The following DCC variants were observed in gnomAD, a reference collection of about 807,000 sequenced individuals.
DCC encodes the protein netrin receptor DCC.
In DCC, 58 loss-of-function variants were observed where a neutral mutation model predicts 172.5. That is an observed-to-expected ratio of 0.34 (90% CI 0.27 to 0.42). The LOEUF is 0.42. Ranked by LOEUF, DCC falls within the 10% of genes least tolerant of loss-of-function variation. The probability of loss-of-function intolerance (pLI) is 1.00; values close to 1 mark genes in which losing one functional copy is unlikely to be tolerated. For missense variants in DCC, 1,740 were observed against 1,791.0 expected (o/e 0.97, Z 0.51); for synonymous variants, 709 against 644.5 (o/e 1.10, Z -1.52).
intron 26 of DCC, among the ~76,000 whole-genome samples, chr18:53,493,653 C>T (rs1325220178): frequency 1.3e-5 from 2 of 152,102 alleles, no homozygotes; most frequent in East Asian, 1.9e-4. Context: ...TGATTCTTCT[C>T]TCTTTTCTTC....
At chr18:52,712,579 G>T (rs1381850529) in intron 1 of DCC, among the ~76,000 whole-genome samples, 2 of 152,166 alleles carry the variant, frequency 1.3e-5, no homozygotes, top group African/African-American at 2.4e-5. Flanking sequence ...CAAGAATCTT[G>T]AAATACTAAG....
At chr18:52,389,744 G>A (rs979522228) in intron 1 of DCC, among the ~76,000 whole-genome samples, 2 of 152,050 alleles carry the variant, frequency 1.3e-5, no homozygotes, top group Non-Finnish European at 2.9e-5. Context: ...TTGGATCACT[G>A]AATCTTTGAA....
In DCC at chr18:52,494,284, G is replaced by GTGTC. The variant is rs767413399; in HGVS notation, c.91+153409_91+153410insCTGT. On this transcript the variant is annotated intron_variant, in intron 1 of 28. Transcript: ENST00000442544. ...TTGTGATGTGTGTGTGTGTGTGTGT[G>GTGTC]TGTGTGTGTCTGTGCCTGTGTGCAT... Among the ~76,000 whole-genome samples, 51 of 151,656 alleles carry GTGTC rather than the reference G, an allele frequency of 3.4e-4. 1 individual carries two copies. The East Asian group carries it at 4.1e-3, about 12-fold the overall frequency.
chr18:52,572,184 C>T (rs1010599221), intron 1 of DCC, among the ~76,000 whole-genome samples: 1 of 152,022 alleles, frequency 6.6e-6, no homozygotes, highest in African/African-American at 2.4e-5. Context: ...TTGCAGACAC[C>T]CAGCGCCTGC....
At chr18:53,151,635 A>C (rs1443068793) in intron 7 of DCC, among the ~76,000 whole-genome samples, 2 of 150,804 alleles carry the variant, frequency 1.3e-5, no homozygotes, top group Non-Finnish European at 3.0e-5. Context: ...GTTATCTGGC[A>C]ATTAAAAACA....
intron 22 of DCC, among the ~76,000 whole-genome samples, chr18:53,443,730 A>T (rs1912420404): frequency 6.6e-6 from 1 of 152,250 alleles, no homozygotes; most frequent in Non-Finnish European, 1.5e-5. Flanking sequence ...AACATTTGTG[A>T]TTCATGGGAA....
intron 25 of DCC, among the ~76,000 whole-genome samples, chr18:53,470,932 C>T (rs1380217822): frequency 1.3e-5 from 2 of 152,124 alleles, no homozygotes; most frequent in South Asian, 2.1e-4. Context: ...AATCAACTTA[C>T]TCTGTTCAGA....
At chr18:53,446,125 CA>C (rs1034255492) in intron 22 of DCC, among the ~76,000 whole-genome samples, 5 of 61,006 alleles carry the variant, frequency 8.2e-5, no homozygotes, top group Admixed American at 1.6e-4. Context: ...CAAAAAAAAA[CA>C]CTTAAAAATT....
chr18:53,118,911 T>G (rs912011173), intron 7 of DCC, among the ~76,000 whole-genome samples: 2 of 151,750 alleles, frequency 1.3e-5, no homozygotes, highest in African/African-American at 4.8e-5. Context: ...TTTTTTTCCT[T>G]CTCTCTCTTT....
At chr18:53,416,734 A>G (rs921340930) in intron 21 of DCC, among the ~76,000 whole-genome samples, 2 of 152,168 alleles carry the variant, frequency 1.3e-5, no homozygotes, top group Non-Finnish European at 2.9e-5. Flanking sequence ...TTTATTTACT[A>G]AAAGCTGATT....
At chr18:52,912,277 G>A (rs1381554866) in intron 3 of DCC, among the ~76,000 whole-genome samples, 1 of 151,916 alleles carries the variant, frequency 6.6e-6, no homozygotes, top group African/African-American at 2.4e-5. Flanking sequence ...GACAAGACAA[G>A]CACAATGCCT....
At chr18:52,888,762 A>G (rs983066089) in intron 2 of DCC, among the ~76,000 whole-genome samples, 4 of 152,192 alleles carry the variant, frequency 2.6e-5, no homozygotes, top group Middle Eastern at 3.4e-3. Context: ...ATAGTTTACC[A>G]TATATTTTAG....
intron 1 of DCC, among the ~76,000 whole-genome samples, chr18:52,413,946 G>A (rs966593096): frequency 2.6e-5 from 4 of 152,114 alleles, no homozygotes; most frequent in African/African-American, 7.2e-5. Flanking sequence ...TTGTCATTAC[G>A]TACACGTGTG....
At chr18:52,743,484 C>A (rs917114901) in intron 1 of DCC, among the ~76,000 whole-genome samples, 3 of 152,112 alleles carry the variant, frequency 2.0e-5, no homozygotes, top group African/African-American at 7.2e-5. Flanking sequence ...TTACAATTTT[C>A]CTGGTATCAC....
chr18:53,422,968 A>T (rs1910715417), intron 21 of DCC, among the ~76,000 whole-genome samples: 1 of 152,198 alleles, frequency 6.6e-6, no homozygotes, highest in Non-Finnish European at 1.5e-5. Flanking sequence ...GTGGTGAAAC[A>T]GTAGTAGCAG....
intron 5 of DCC, among the ~76,000 whole-genome samples, chr18:52,944,803 T>A (rs1018203985): frequency 6.6e-6 from 1 of 152,214 alleles, no homozygotes; most frequent in Admixed American, 6.5e-5. Flanking sequence ...GGTCATTTAG[T>A]GTGTGGATCA....
At chr18:52,445,715 T>C (rs1354562556) in intron 1 of DCC, among the ~76,000 whole-genome samples, 1 of 152,218 alleles carries the variant, frequency 6.6e-6, no homozygotes, top group African/African-American at 2.4e-5. Flanking sequence ...ACTGATGCTT[T>C]CCTTGGGAAT....
intron 5 of DCC, among the ~76,000 whole-genome samples, chr18:53,049,153 T>C (rs2042299941): frequency 6.7e-6 from 1 of 150,212 alleles, no homozygotes; most frequent in Non-Finnish European, 1.5e-5. Flanking sequence ...ATTCTCTTGA[T>C]AGTTTCTTTT....
intron 1 of DCC, among the ~76,000 whole-genome samples, chr18:52,643,111 G>A (rs1453772994): frequency 1.3e-5 from 2 of 152,162 alleles, no homozygotes; most frequent in Non-Finnish European, 2.9e-5. Flanking sequence ...GAGAAAAGAA[G>A]AATGTTCTAT....
Sources: allele counts gnomAD v4.1 joint callset (sites outside exome capture counted in the v4.1 genomes callset), GRCh38; gene constraint gnomAD v4.1.1; transcripts MANE v1.5; gene names NCBI Gene and HGNC (gene_info 2026-07-23, HGNC 2026-07-21).